The following EYA4 variants were observed in gnomAD, a reference collection of about 807,000 sequenced individuals.
EYA4 encodes the protein protein phosphatase EYA4.
In EYA4, 31 loss-of-function variants were observed where a neutral mutation model predicts 87.9. The observed-to-expected ratio is 0.35, with a 90% CI of 0.27 to 0.48. EYA4 has a LOEUF of 0.48. EYA4 is among the 20% of genes least tolerant of loss of function. The pLI, the probability that EYA4 is intolerant of heterozygous loss-of-function variation, is 0.99. For missense variants in EYA4, 678 were observed against 761.4 expected (o/e 0.89, Z 1.29); for synonymous variants, 263 against 270.6 (o/e 0.97, Z 0.28).
chr6:133,319,774 T>C (rs1321569216), intron 2 of EYA4, among the ~76,000 whole-genome samples: 8 of 151,440 alleles, frequency 5.3e-5, no homozygotes, highest in Non-Finnish European at 1.2e-4. Context: ...TGGAGCACAG[T>C]GGTACAATCA....
chr6:133,485,501 G>A (rs535071536), intron 13 of EYA4, among the ~76,000 whole-genome samples: 1 of 152,312 alleles, frequency 6.6e-6, no homozygotes, highest in South Asian at 2.1e-4. Flanking sequence ...ACCAGTCAGT[G>A]GCAGAGACGA....
intron 2 of EYA4, among the ~76,000 whole-genome samples, chr6:133,361,050 C>T (rs1173205865): frequency 2.0e-5 from 3 of 152,136 alleles, no homozygotes; most frequent in Non-Finnish European, 4.4e-5. Flanking sequence ...TGAGTAATAC[C>T]TGATACTCCA....
chr6:133,289,609 A>T (rs899161783), intron 2 of EYA4, among the ~76,000 whole-genome samples: 6 of 152,218 alleles, frequency 3.9e-5, no homozygotes, highest in African/African-American at 1.4e-4. Flanking sequence ...TTTGGAAGAA[A>T]CTATGTGGCC....
intron 1 of EYA4, chr6:133,246,851 T>G (rs895607115): frequency 9.9e-5 from 15 of 152,130 alleles, no homozygotes; most frequent in African/African-American, 3.1e-4. Flanking sequence ...CTTTTGTTAT[T>G]CCTATTTTAC....
At chr6:133,304,992 G>T (rs925458002) in intron 2 of EYA4, among the ~76,000 whole-genome samples, 2 of 152,136 alleles carry the variant, frequency 1.3e-5, no homozygotes, top group African/African-American at 2.4e-5. Flanking sequence ...AAGAGGGAAG[G>T]CTGCAATTTT....
chr6:133,489,237 T>C (rs1190235458), intron 13 of EYA4, among the ~76,000 whole-genome samples: 3 of 151,162 alleles, frequency 2.0e-5, no homozygotes, highest in African/African-American at 4.9e-5. Context: ...TAAAAACGAA[T>C]GAAGCGCACC....
intron 13 of EYA4, 87 bp from the exon 14 acceptor site, chr6:133,506,019 T>TC (rs753584360): frequency 1.4e-4 from 114 of 838,672 alleles, no homozygotes; most frequent in Non-Finnish European, 2.3e-4. Context: ...TTCTCCCTCT[T>TC]CCACCACAGC....
At chr6:133,466,853 C>G (rs1333532137) in intron 10 of EYA4, among the ~76,000 whole-genome samples, 4 of 151,634 alleles carry the variant, frequency 2.6e-5, no homozygotes, top group Admixed American at 6.6e-5. Context: ...AGGCGGGGGC[C>G]TGCTCACGTA....
Position 133,424,657 on chromosome 6 carries a change from C to A in EYA4, c.84-21973C>A, listed in dbSNP as rs1790507639. ...TGCCAACTTGGAAGGGGCGGGACTCCTACTTGTCCCCAGCTCCTGCCTTCT... is the reference window on the plus strand; with the variant it reads ...TGCCAACTTGGAAGGGGCGGGACTCATACTTGTCCCCAGCTCCTGCCTTCT... On this transcript the variant is annotated intron_variant, in intron 3 of 19. Transcript: ENST00000355286. Among the ~76,000 whole-genome samples, 3 of 151,412 alleles carry A rather than the reference C, an allele frequency of 2.0e-5. 1 individual carries two copies. In the South Asian group the frequency reaches 6.3e-4, roughly 32 times the overall value.
intron 14 of EYA4, among the ~76,000 whole-genome samples, chr6:133,509,074 GGAAAC>G (rs1798901243): frequency 1.3e-5 from 2 of 152,046 alleles, no homozygotes; most frequent in African/African-American, 4.8e-5. Flanking sequence ...AAGTGCCCAA[GGAAAC>G]ATAAATGATT....
In EYA4 at chr6:133,523,174, A is replaced by G. The variant is rs766579366; in HGVS notation, c.1735A>G (p.Ile579Val). Residue 579 changes from isoleucine to valine, a missense_variant, in exon 18 of 20, where the codon ATA (isoleucine) becomes GTA (valine). Transcript: ENST00000355286. Reference sequence around the variant, plus strand: ...TGAGAATATTTACAGTGCAACTAAAATAGGTAAGGAAATTATTTTAAACTC... The same window carrying G: ...TGAGAATATTTACAGTGCAACTAAAGTAGGTAAGGAAATTATTTTAAACTC... ...PIENIYSATK[I>V]GKESCFERIM... is the part of the protein sequence containing the mutation. 6 of 1,612,096 alleles carry G rather than the reference A, an allele frequency of 3.7e-6. No homozygotes were observed. The highest frequency in any genetic ancestry group is 3.4e-6 in the Non-Finnish European group (4 of 1,178,584).
intron 1 of EYA4, among the ~76,000 whole-genome samples, chr6:133,261,321 A>G (rs1775781918): frequency 6.6e-6 from 1 of 152,210 alleles, no homozygotes; most frequent in African/African-American, 2.4e-5. Context: ...AAATATTGTA[A>G]TAACCAATTG....
intron 3 of EYA4, among the ~76,000 whole-genome samples, chr6:133,390,667 T>A (rs1347328792): frequency 2.0e-5 from 3 of 152,228 alleles, no homozygotes; most frequent in Non-Finnish European, 4.4e-5. Flanking sequence ...ACATAGGTAA[T>A]GTTTTCCATC....
intron 2 of EYA4, among the ~76,000 whole-genome samples, chr6:133,279,463 T>C (rs1777447107): frequency 6.6e-6 from 1 of 152,150 alleles, no homozygotes; most frequent in African/African-American, 2.4e-5. Flanking sequence ...GTGTCCATTT[T>C]TAAATATAAT....
intron 2 of EYA4, among the ~76,000 whole-genome samples, chr6:133,336,351 C>T (rs571185206): frequency 1.1e-4 from 17 of 152,244 alleles, no homozygotes; most frequent in African/African-American, 3.9e-4. Flanking sequence ...AGCCTGGTAT[C>T]ACAGATTGTG....
rs1785864878 is a variant in EYA4 at position 133,378,139 on chromosome 6, A to G, written c.34-4253A>G. On this transcript the variant is annotated intron_variant, in intron 2 of 19. Coordinates refer to ENST00000355286, the MANE Select transcript of EYA4 (RefSeq NM_004100.5). ...TTTTGTATATCAATCATACCTCAAT[A>G]AAGTGAGATTTTAAAAAGAAAGGAA... 2.0e-5 allele frequency among the ~76,000 whole-genome samples: 3 copies of G among 152,088 alleles called. No homozygotes were observed. In the South Asian group the frequency reaches 6.2e-4, roughly 31 times the overall value.
Position 133,530,857 on chromosome 6 carries a change from T to G in EYA4, c.*2052T>G, listed in dbSNP as rs893907241. 5 of 1,012,190 alleles carry G rather than the reference T, an allele frequency of 4.9e-6. No homozygotes were observed. The African/African-American group carries it at 8.5e-5, about 17-fold the overall frequency. The allele number at this position is 1,012,190 out of a possible 1,614,324, so 62.7% of individuals were successfully genotyped here. ...TTTAATAATATAAAAATAATGATAG[T>G]AAATCTTATACTTCTGTTGGCCCTT... On this transcript the variant is annotated 3_prime_UTR_variant, in exon 20 of 20. Coordinates refer to ENST00000355286, the MANE Select transcript of EYA4 (RefSeq NM_004100.5).
At chr6:133,273,609 G>A (rs1776918043) in intron 1 of EYA4, among the ~76,000 whole-genome samples, 1 of 152,002 alleles carries the variant, frequency 6.6e-6, no homozygotes, top group Admixed American at 6.6e-5. Flanking sequence ...CAATGATTAT[G>A]TTCATCTATG....
intron 2 of EYA4, among the ~76,000 whole-genome samples, chr6:133,315,164 A>C (rs1321729692): frequency 6.6e-6 from 1 of 152,206 alleles, no homozygotes; most frequent in Non-Finnish European, 1.5e-5. Context: ...GAAGCGGCTC[A>C]GAATTTCATT....
Sources: gnomAD v4.1 joint callset for allele counts (sites outside exome capture counted in the v4.1 genomes callset) on GRCh38, gnomAD v4.1.1 for gene constraint, MANE v1.5 for transcripts, NCBI Gene and HGNC (gene_info 2026-07-23, HGNC 2026-07-21) for gene names.